The following PSMA1 variants were observed in gnomAD, a reference collection of about 807,000 sequenced individuals.
The protein encoded by PSMA1 is proteasome subunit alpha type-1.
A neutral mutation model predicts 38.4 loss-of-function variants in PSMA1; 3 were observed. The observed-to-expected ratio is 0.08, with a 90% CI of 0.04 to 0.20. The LOEUF is 0.20. Ranked by LOEUF, PSMA1 falls within the 10% of genes least tolerant of loss-of-function variation. The pLI, the probability that PSMA1 is intolerant of heterozygous loss-of-function variation, is 1.00. For missense variants in PSMA1, 227 were observed against 325.3 expected, an observed-to-expected ratio of 0.70 and a Z score of 2.32; for synonymous variants, 101 against 107.1, an observed-to-expected ratio of 0.94 and a Z score of 0.35.
At chr11:14,616,540 A>G (rs1852776377) in intron 1 of PSMA1, among the ~76,000 whole-genome samples, 1 of 152,152 alleles carries the variant, frequency 6.6e-6, no homozygotes, top group Non-Finnish European at 1.5e-5. Context: ...TCAGATCCCA[A>G]TAAATATTAA....
chr11:14,521,444 G>C (rs530168438), upstream of PSMA1, among the ~76,000 whole-genome samples: 20 of 149,124 alleles, frequency 1.3e-4, no homozygotes, highest in African/African-American at 4.9e-4. Flanking sequence ...GTGAGCCATG[G>C]TCGCGCCGTT....
chr11:14,574,146 G>A (rs1012194020), intron 2 of PSMA1, among the ~76,000 whole-genome samples: 2 of 152,184 alleles, frequency 1.3e-5, no homozygotes, highest in South Asian at 4.1e-4. Context: ...GGAATTAAAG[G>A]AGGCTGCAGA....
At chr11:14,569,374 G>C (rs187805570) in intron 2 of PSMA1, among the ~76,000 whole-genome samples, 26 of 152,252 alleles carry the variant, frequency 1.7e-4, no homozygotes, top group Admixed American at 1.7e-3. Flanking sequence ...CGGACAGTGA[G>C]TGCAGCCCAC....
chr11:14,508,049 A>G (rs894262312), intron 8 of PSMA1, among the ~76,000 whole-genome samples: 1 of 152,220 alleles, frequency 6.6e-6, no homozygotes, highest in African/African-American at 2.4e-5. Context: ...AAGTCTTCAC[A>G]TTGATATTAA....
intron 2 of PSMA1, among the ~76,000 whole-genome samples, chr11:14,603,896 T>C (rs1171921913): frequency 6.6e-6 from 1 of 152,192 alleles, no homozygotes; most frequent in Admixed American, 6.5e-5. Context: ...ATAGATCTGG[T>C]GACAGGGATA....
intron 8 of PSMA1, among the ~76,000 whole-genome samples, 169 bp downstream of exon 8, chr11:14,510,703 T>C (rs1173169730): frequency 6.6e-6 from 1 of 152,154 alleles, no homozygotes; most frequent in Non-Finnish European, 1.5e-5. Flanking sequence ...CAAAAAGAAA[T>C]GTTTAAAAAA....
chr11:14,633,739 A>C (rs1185957033), intron 1 of PSMA1, among the ~76,000 whole-genome samples: 1 of 152,104 alleles, frequency 6.6e-6, no homozygotes, highest in East Asian at 1.9e-4. Context: ...CCCCCAGCCT[A>C]ACTGCCGCCT....
intron 2 of PSMA1, among the ~76,000 whole-genome samples, chr11:14,528,491 C>T (rs576037877): frequency 2.0e-5 from 3 of 152,262 alleles, no homozygotes; most frequent in East Asian, 1.9e-4. Flanking sequence ...TAGGTTCCCA[C>T]GCTGCCCCAA....
chr11:14,633,804 G>A (rs938479597), intron 1 of PSMA1, among the ~76,000 whole-genome samples: 1 of 152,180 alleles, frequency 6.6e-6, no homozygotes, highest in Non-Finnish European at 1.5e-5. Flanking sequence ...TGTGGGCATA[G>A]GACCCTCCGA....
chr11:14,511,350 C>CA (rs1437613470), intron 7 of PSMA1, among the ~76,000 whole-genome samples: 2 of 152,000 alleles, frequency 1.3e-5, no homozygotes, highest in Non-Finnish European at 2.9e-5. Context: ...AAAAACATCA[C>CA]AAGAAAATAA....
chr11:14,638,423 G>A (rs1258170692), intron 1 of PSMA1, among the ~76,000 whole-genome samples: 1 of 148,744 alleles, frequency 6.7e-6, no homozygotes, highest in Non-Finnish European at 1.5e-5. Flanking sequence ...TTTTGATGAT[G>A]CTAATGAACT....
intron 7 of PSMA1, among the ~76,000 whole-genome samples, chr11:14,512,779 C>T (rs531016614): frequency 2.4e-4 from 37 of 152,258 alleles, no homozygotes; most frequent in East Asian, 7.7e-4. Flanking sequence ...ATATGCTGTG[C>T]GCTTTAAGTC....
Position 14,599,391 on chromosome 11 carries a change from T to C in PSMA1, c.21+11575A>G, listed in dbSNP as rs1335503872. Among the ~76,000 whole-genome samples the C allele has an allele frequency of 2.6e-5, 4 of 152,240 alleles. No homozygotes were observed. In the East Asian group the frequency reaches 7.7e-4, roughly 29 times the overall value. The stretch of plus-strand genomic sequence containing the variant: ...CAAGTACACCAATCAGACATAGATG[T>C]GGTCTTTTCACATAGTCCCATATTT... On this transcript the variant is annotated intron_variant, in intron 2 of 10. Coordinates refer to the PSMA1 transcript ENST00000418988.
intron 1 of PSMA1, among the ~76,000 whole-genome samples, chr11:14,643,276 A>T (rs1853244219): frequency 6.6e-6 from 1 of 151,738 alleles, no homozygotes; most frequent in Middle Eastern, 3.2e-3. Flanking sequence ...GCTGGCCCTA[A>T]ACTGGTCACA....
At chr11:14,581,242 T>C (rs915253956) in intron 2 of PSMA1, among the ~76,000 whole-genome samples, 2 of 152,218 alleles carry the variant, frequency 1.3e-5, no homozygotes, top group African/African-American at 4.8e-5. Flanking sequence ...TCTAAGGGCA[T>C]ATAATTCATA....
intron 6 of PSMA1, 51 bp from the exon 7 acceptor site, chr11:14,513,750 A>C (rs1189320648): frequency 6.5e-7 from 1 of 1,541,438 alleles, no homozygotes; most frequent in African/African-American, 1.4e-5. Flanking sequence ...GGTTGAACTA[A>C]AAATTATAAA....
chr11:14,569,999 C>G (rs1293597967), intron 2 of PSMA1, among the ~76,000 whole-genome samples: 1 of 152,218 alleles, frequency 6.6e-6, no homozygotes, highest in Non-Finnish European at 1.5e-5. Flanking sequence ...AGGTAGCCCT[C>G]TGAGACAAAG....
intron 1 of PSMA1, among the ~76,000 whole-genome samples, chr11:14,636,915 C>A (rs1487797265): frequency 6.6e-6 from 1 of 152,142 alleles, no homozygotes; most frequent in African/African-American, 2.4e-5. Flanking sequence ...TTCATTTGGC[C>A]AATTATAATG....
intron 2 of PSMA1, among the ~76,000 whole-genome samples, chr11:14,556,444 A>G (rs1851941756): frequency 6.6e-6 from 1 of 152,066 alleles, no homozygotes; most frequent in East Asian, 1.9e-4. Context: ...AAGTTTTGGA[A>G]TCTTCTTTTT....
Sources: allele counts gnomAD v4.1 joint callset (sites outside exome capture counted in the v4.1 genomes callset), GRCh38; gene constraint gnomAD v4.1.1; transcripts MANE v1.5; gene names NCBI Gene and HGNC (gene_info 2026-07-23, HGNC 2026-07-21).